The following FNBP1 variants were observed in gnomAD, a reference collection of about 807,000 sequenced individuals.
FNBP1 encodes formin-binding protein 1.
In FNBP1, 26 loss-of-function variants were observed where a neutral mutation model predicts 90.6. That is an observed-to-expected ratio of 0.29 (90% CI 0.21 to 0.40). FNBP1 has a LOEUF of 0.40. Ranked by LOEUF, FNBP1 falls within the 10% of genes least tolerant of loss-of-function variation. The probability of loss-of-function intolerance (pLI) is 1.00; values close to 1 mark genes in which losing one functional copy is unlikely to be tolerated. For missense variants in FNBP1, 635 were observed against 768.0 expected (o/e 0.83, Z 2.05); for synonymous variants, 260 against 265.2 (o/e 0.98, Z 0.19).
At chr9:129,937,589 G>A (rs1466551029) in intron 6 of FNBP1, among the ~76,000 whole-genome samples, 4 of 6,638 alleles carry the variant, frequency 6.0e-4, no homozygotes, top group Non-Finnish European at 2.5e-3. Context: ...AAATTAGCTG[G>A]GTGTGGTGGC....
intron 6 of FNBP1, among the ~76,000 whole-genome samples, chr9:129,938,464 G>T (rs2043826218): frequency 6.6e-6 from 1 of 151,166 alleles, no homozygotes; most frequent in Non-Finnish European, 1.5e-5. Flanking sequence ...AGGGCAGCTA[G>T]AATACAAAAC....
chr9:129,932,806 C>A (rs1022568336), intron 6 of FNBP1, among the ~76,000 whole-genome samples: 3 of 152,040 alleles, frequency 2.0e-5, no homozygotes, highest in African/African-American at 7.2e-5. Flanking sequence ...CAGCTACCCT[C>A]AAAAATCCAC....
chr9:129,927,184 GCA>G lies in FNBP1; in HGVS notation c.789+9_789+10del, dbSNP rs759695481. On this transcript the variant is annotated intron_variant, in intron 8 of 16. Transcript: ENST00000446176. ...AATAGTTATCAATGAAGTCCAAATG[GCA>G]ATACTTACATTTTTCTGATCAATTG... 9 of 1,612,972 alleles carry G rather than the reference GCA, an allele frequency of 5.6e-6. No individual in the cohort carries two copies. The Admixed American group carries it at 1.2e-4, about 21-fold the overall frequency.
chr9:130,034,030 AAGTT>A lies in FNBP1; in HGVS notation c.24+8918_24+8921del, dbSNP rs1450206228. 9.5e-3 allele frequency among the ~76,000 whole-genome samples: 1,410 copies of A among 147,878 alleles called. 26 individuals are homozygous for A. Among genetic ancestry groups the A allele is most frequent in the African/African-American group, 0.034 (1,340 of 39,912 alleles). On this transcript the variant is annotated intron_variant, in intron 1 of 16. Coordinates refer to ENST00000446176, the MANE Select transcript of FNBP1 (RefSeq NM_015033.3). ...GACTCTGTCTCAAAAAAAAAAAAAAAAGTTAGACAGGCCAGCTGCGGTGGCTCAC... is the reference window on the plus strand; with the variant it reads ...GACTCTGTCTCAAAAAAAAAAAAAAAAGACAGGCCAGCTGCGGTGGCTCAC...
chr9:130,031,024 A>G lies in FNBP1; in HGVS notation c.24+11928T>C, dbSNP rs1295339029. Among the ~76,000 whole-genome samples, 1 of 152,186 alleles carries G rather than the reference A, an allele frequency of 6.6e-6. No individual in the cohort carries two copies. Among genetic ancestry groups the G allele is most frequent in the Non-Finnish European group, 1.5e-5 (1 of 68,042 alleles). The stretch of plus-strand genomic sequence containing the variant: ...ATTTACCCCACAAGCCAGAGCAGGG[A>G]ACATGCCTCCCCCTTGAACATCTTG... On this transcript the variant is annotated intron_variant, in intron 1 of 16. Transcript: ENST00000446176. This position sits in a 1 kb window ranked among gnomAD's most constrained non-coding sequence, Gnocchi z 4.2.
chr9:130,038,138 A>C (rs930271221), intron 1 of FNBP1, among the ~76,000 whole-genome samples: 8 of 151,928 alleles, frequency 5.3e-5, no homozygotes, highest in African/African-American at 1.9e-4. Flanking sequence ...GCAGATCACG[A>C]GGTCAGGAAA....
chr9:129,984,048 G>C lies in FNBP1; in HGVS notation c.141-4674C>G, dbSNP rs1283087544. On this transcript the variant is annotated intron_variant, in intron 2 of 16. Transcript: ENST00000446176. ...GGCTGATTTGAAGAACCACAGGAAGGCTTTAAAAATGACTTACTCGGCCCT... is the reference window on the plus strand; with the variant it reads ...GGCTGATTTGAAGAACCACAGGAAGCCTTTAAAAATGACTTACTCGGCCCT... Among the ~76,000 whole-genome samples the C allele has an allele frequency of 8.5e-5, 13 of 152,156 alleles. No individual in the cohort carries two copies. The East Asian group carries it at 1.9e-3, about 23-fold the overall frequency.
chr9:129,902,256 A>C (rs946287234), intron 13 of FNBP1, among the ~76,000 whole-genome samples: 1 of 152,042 alleles, frequency 6.6e-6, no homozygotes. Context: ...TATACTCCCA[A>C]TTTTATTACC....
At chr9:129,992,992 C>T (rs559632297) in intron 2 of FNBP1, among the ~76,000 whole-genome samples, 4 of 149,264 alleles carry the variant, frequency 2.7e-5, no homozygotes, top group Non-Finnish European at 5.9e-5. Context: ...TTTGGGAGAC[C>T]GAGGCAGGCG....
intron 2 of FNBP1, among the ~76,000 whole-genome samples, chr9:129,979,907 T>C (rs1273806111): frequency 2.0e-5 from 3 of 151,494 alleles, no homozygotes; most frequent in Admixed American, 2.0e-4. Context: ...CCTCCCAAAG[T>C]GCTGGGATCA....
intron 10 of FNBP1, among the ~76,000 whole-genome samples, chr9:129,920,310 CT>C (rs938496587): frequency 6.7e-5 from 10 of 148,786 alleles, no homozygotes; most frequent in East Asian, 3.9e-4. Flanking sequence ...AAGTGTTAAT[CT>C]TTTTTTTTTA....
the FNBP1 span, among the ~76,000 whole-genome samples, chr9:130,052,067 G>T: frequency 6.6e-6 from 1 of 152,206 alleles, no homozygotes; most frequent in Non-Finnish European, 1.5e-5. Context: ...ATGGCTAAAT[G>T]TAATTGTCAA....
In FNBP1 at chr9:129,890,250, G is replaced by A. The variant is rs3739860; in HGVS notation, c.*289C>T. The A allele has an allele frequency of 4.9e-4, 246 of 505,696 alleles. 1 individual carries two copies. The East Asian group carries it at 7.9e-3, about 16-fold the overall frequency. 31.3% of individuals were successfully genotyped at this position (505,696 alleles called of 1,614,324 possible). A position where few individuals can be genotyped will look rare whatever the true frequency, so the allele number is the denominator to read the frequency against. The stretch of plus-strand genomic sequence containing the variant: ...GGCCCAGGAAGGAGCAGGTAGGGGC[G>A]TGTGTCCCACCGTCTCAGTGGCCTG... On this transcript the variant is annotated 3_prime_UTR_variant, in exon 17 of 17. Transcript: ENST00000446176. This position sits in a 1 kb window ranked among gnomAD's most constrained non-coding sequence, Gnocchi z 5.8.
At chr9:130,049,370 C>T in the FNBP1 span, among the ~76,000 whole-genome samples, 9 of 152,168 alleles carry the variant, frequency 5.9e-5, no homozygotes, top group Middle Eastern at 3.4e-3. Flanking sequence ...GAGAGCGAGA[C>T]CCTGTCTCAA....
At chr9:129,934,111 T>C (rs1320160837) in intron 6 of FNBP1, among the ~76,000 whole-genome samples, 1 of 152,238 alleles carries the variant, frequency 6.6e-6, no homozygotes, top group Non-Finnish European at 1.5e-5. Flanking sequence ...TATCTCCTAA[T>C]GTCTAAGACT....
chr9:129,936,839 C>G (rs1022622616), intron 6 of FNBP1, among the ~76,000 whole-genome samples: 1 of 152,092 alleles, frequency 6.6e-6, no homozygotes, highest in South Asian at 2.1e-4. Context: ...CCCTGAAAAT[C>G]CTATTCGTAT....
chr9:129,909,101 T>C (rs372884818), intron 11 of FNBP1, 102 bp from the exon 12 acceptor site: 3 of 785,148 alleles, frequency 3.8e-6, no homozygotes, highest in East Asian at 4.9e-5. Flanking sequence ...GACATCTGCA[T>C]GTGGCTTCAT....
intron 16 of FNBP1, chr9:129,895,584 C>G: frequency 1.6e-6 from 2 of 1,240,190 alleles, no homozygotes; most frequent in South Asian, 7.7e-5. Flanking sequence ...AATGACATAG[C>G]TGTAAGTTGG....
At chr9:130,045,201 T>C (rs1049285643), upstream of FNBP1, 1 of 152,198 alleles carries the variant, frequency 6.6e-6, no homozygotes, top group African/African-American at 2.4e-5. Context: ...CAGAGACTGC[T>C]AGATATATAA....
Sources: allele counts gnomAD v4.1 joint callset (sites outside exome capture counted in the v4.1 genomes callset), GRCh38; gene constraint gnomAD v4.1.1; non-coding constraint Gnocchi (gnomAD v3.1); transcripts MANE v1.5; gene names NCBI Gene and HGNC (gene_info 2026-07-23, HGNC 2026-07-21).